CTNNA2: variants seen among roughly 807,000 people sequenced by gnomAD.
CTNNA2 encodes the protein catenin alpha 2.
Under a neutral mutation model 101.0 loss-of-function variants are expected in CTNNA2, and 42 were observed. That is an observed-to-expected ratio of 0.42 (90% CI 0.32 to 0.54). The LOEUF (loss-of-function observed/expected upper bound fraction) is 0.54, where lower values mean the gene tolerates loss of function less well. Ranked by LOEUF, CTNNA2 falls within the 20% of genes least tolerant of loss-of-function variation. The pLI is 0.14. For synonymous variants in CTNNA2, 450 were observed against 456.4 expected (o/e 0.99, Z 0.18); for missense variants, 871 against 1,223.1 (o/e 0.71, Z 4.29).
Position 80,648,644 on chromosome 2 carries a change from G to T in CTNNA2, c.*772G>T, listed in dbSNP as rs1435851728. The T allele has an allele frequency of 6.6e-6, 1 of 151,708 alleles. No homozygotes were observed. The highest frequency in any genetic ancestry group is 1.5e-5 in the Non-Finnish European group (1 of 67,798). 9.4% of individuals were successfully genotyped at this position (151,708 alleles called of 1,614,324 possible). A position where few individuals can be genotyped will look rare whatever the true frequency, so the allele number is the denominator to read the frequency against. ...GATTTTGCTAGAAATAGAAGGCCCAGTGGTGGAATATTAGAGGGAAGGAAA... is the reference window on the plus strand; with the variant it reads ...GATTTTGCTAGAAATAGAAGGCCCATTGGTGGAATATTAGAGGGAAGGAAA... On this transcript the variant is annotated 3_prime_UTR_variant, in exon 19 of 19. Coordinates refer to ENST00000402739, the MANE Select transcript of CTNNA2 (RefSeq NM_001282597.3).
At chr2:79,382,748 G>A (rs1436620135) in intron 4 of CTNNA2, among the ~76,000 whole-genome samples, 1 of 152,080 alleles carries the variant, frequency 6.6e-6, no homozygotes, top group Non-Finnish European at 1.5e-5. Context: ...CGAGTAGCTG[G>A]GACTACACGT....
At chr2:79,398,062 T>C (rs1678251493) in intron 4 of CTNNA2, among the ~76,000 whole-genome samples, 1 of 152,200 alleles carries the variant, frequency 6.6e-6, no homozygotes, top group Admixed American at 6.6e-5. Context: ...CTCTTGGCTC[T>C]AAGTCTCAGT....
At chr2:79,277,483 A>C (rs997936925) in intron 2 of CTNNA2, among the ~76,000 whole-genome samples, 1 of 152,024 alleles carries the variant, frequency 6.6e-6, no homozygotes, top group African/African-American at 2.4e-5. Flanking sequence ...AGTCAGCCTG[A>C]AGCATCCCAA....
At chr2:79,439,771 A>C (rs1678757513) in intron 4 of CTNNA2, among the ~76,000 whole-genome samples, 1 of 152,262 alleles carries the variant, frequency 6.6e-6, no homozygotes, top group South Asian at 2.1e-4. Flanking sequence ...CTTGTCAGAA[A>C]TACAAATTTT....
chr2:80,416,866 G>T (rs977758433), intron 8 of CTNNA2, among the ~76,000 whole-genome samples: 1 of 151,872 alleles, frequency 6.6e-6, no homozygotes, highest in African/African-American at 2.4e-5. Context: ...AGTTTTGCTG[G>T]TTATAAAATT....
At chr2:80,444,697 G>A (rs551511705) in intron 9 of CTNNA2, among the ~76,000 whole-genome samples, 1 of 152,282 alleles carries the variant, frequency 6.6e-6, no homozygotes, top group African/African-American at 2.4e-5. Context: ...GTCCTTATAG[G>A]AAGAGACAGG....
intron 1 of CTNNA2, among the ~76,000 whole-genome samples, chr2:79,639,749 A>G (rs1558793714): frequency 6.6e-6 from 1 of 152,144 alleles, no homozygotes; most frequent in Non-Finnish European, 1.5e-5. Context: ...TGGGTTCAAA[A>G]GGATTAGTTT....
chr2:79,444,674 C>T (rs115607089), intron 4 of CTNNA2, among the ~76,000 whole-genome samples: 5,250 of 152,012 alleles, frequency 0.035, 125 homozygotes, highest in Non-Finnish European at 0.051. Flanking sequence ...CTTTTGTTTC[C>T]CAGGTACTCA....
chr2:79,407,608 AAGG>A (rs1323336278), intron 4 of CTNNA2, among the ~76,000 whole-genome samples: 56 of 151,848 alleles, frequency 3.7e-4, no homozygotes, highest in Middle Eastern at 3.2e-3. Context: ...GAAGAGGAAG[AAGG>A]AGGAGGAGGA....
At chr2:80,192,559 T>C (rs1706577189) in intron 7 of CTNNA2, among the ~76,000 whole-genome samples, 2 of 152,208 alleles carry the variant, frequency 1.3e-5, no homozygotes. Flanking sequence ...AGAGTCTTGC[T>C]CTTGTCACCC....
intron 4 of CTNNA2, among the ~76,000 whole-genome samples, chr2:79,865,018 G>A (rs1424391123): frequency 6.6e-6 from 1 of 151,336 alleles, no homozygotes; most frequent in Non-Finnish European, 1.5e-5. Flanking sequence ...ATTTTTTTTT[G>A]TACAAACTGA....
At chr2:80,129,349 C>A (rs1260508233) in intron 7 of CTNNA2, among the ~76,000 whole-genome samples, 2 of 152,196 alleles carry the variant, frequency 1.3e-5, no homozygotes, top group East Asian at 3.9e-4. Context: ...AATACCATGG[C>A]AGCTTCAAAG....
At chr2:80,377,077 G>C (rs1196946665) in intron 7 of CTNNA2, among the ~76,000 whole-genome samples, 1 of 152,164 alleles carries the variant, frequency 6.6e-6, no homozygotes, top group East Asian at 1.9e-4. Flanking sequence ...TCAATGTCTG[G>C]TTCTCCTTTT....
intron 2 of CTNNA2, among the ~76,000 whole-genome samples, chr2:79,309,621 G>A (rs1676320963): frequency 6.6e-6 from 1 of 151,600 alleles, no homozygotes; most frequent in South Asian, 2.1e-4. Context: ...CCATATTTGT[G>A]TAAGATGAGA....
At chr2:80,592,878 A>T (rs1403898696) in intron 15 of CTNNA2, among the ~76,000 whole-genome samples, 1 of 152,192 alleles carries the variant, frequency 6.6e-6, no homozygotes, top group Non-Finnish European at 1.5e-5. Flanking sequence ...TTACCTTCTC[A>T]CAAAATAAAT....
chr2:80,587,127 C>T (rs1696045333), intron 14 of CTNNA2, among the ~76,000 whole-genome samples: 1 of 151,964 alleles, frequency 6.6e-6, no homozygotes, highest in African/African-American at 2.4e-5. Flanking sequence ...ATTCCTAGAG[C>T]CTATTGTGTG....
At chr2:79,231,632 A>G (rs1674494595) in intron 2 of CTNNA2, among the ~76,000 whole-genome samples, 1 of 152,176 alleles carries the variant, frequency 6.6e-6, no homozygotes, top group African/African-American at 2.4e-5. Context: ...CATTAAATAT[A>G]TAAATTGCTT....
intron 18 of CTNNA2, among the ~76,000 whole-genome samples, chr2:80,637,614 G>T (rs1032926821): frequency 6.6e-6 from 1 of 152,132 alleles, no homozygotes; most frequent in African/African-American, 2.4e-5. Context: ...CTGGACCTCG[G>T]TAGCAACAGA....
chr2:79,768,122 C>G (rs1673296150), intron 3 of CTNNA2, among the ~76,000 whole-genome samples: 1 of 151,768 alleles, frequency 6.6e-6, no homozygotes, highest in South Asian at 2.1e-4. Context: ...TACATGCTCC[C>G]TCTGTGGGTA....
Sources: gnomAD v4.1 joint callset for allele counts (sites outside exome capture counted in the v4.1 genomes callset) on GRCh38, gnomAD v4.1.1 for gene constraint, MANE v1.5 for transcripts, NCBI Gene and HGNC (gene_info 2026-07-23, HGNC 2026-07-21) for gene names.